Variants in SGSM2 observed in about 807,000 individuals in gnomAD.
SGSM2 encodes RUN and TBC1 domain containing 1.
SGSM2 carries 89 observed loss-of-function variants against 126.6 expected under a neutral mutation model. The ratio of observed to expected loss-of-function variants is 0.70; its 90% CI spans 0.59 to 0.84. The LOEUF (loss-of-function observed/expected upper bound fraction) is 0.84, where lower values mean the gene tolerates loss of function less well. SGSM2 is among the 40% of genes least tolerant of loss of function. The pLI is 0.00. For synonymous variants in SGSM2, 614 were observed against 574.3 expected (o/e 1.07, Z -0.99); for missense variants, 1,404 against 1,416.6 (o/e 0.99, Z 0.14).
chr17:2,360,063 C>T (rs1185931671), intron 2 of SGSM2, among the ~76,000 whole-genome samples: 1 of 152,200 alleles, frequency 6.6e-6, no homozygotes, highest in African/African-American at 2.4e-5. Flanking sequence ...CCCATGTGGG[C>T]CGGGCGCGGT....
In SGSM2 at chr17:2,351,252, C is replaced by CA. The variant is rs547956009; in HGVS notation, c.133+7645dup. 6.2e-3 allele frequency among the ~76,000 whole-genome samples: 836 copies of CA among 135,204 alleles called. 4 individuals carry two copies. Among genetic ancestry groups the CA allele is most frequent in the Middle Eastern group, 0.011 (3 of 270 alleles). 88.7% of individuals were successfully genotyped at this position (135,204 alleles called of 152,430 possible). A position where few individuals can be genotyped will look rare whatever the true frequency, so the allele number is the denominator to read the frequency against. Reference sequence around the variant, plus strand: ...TGGGCAATAGATCGAGACTCAGTCTCAAAAAAAAAAAAAGGAGAGGAGCTA... The same window carrying CA: ...TGGGCAATAGATCGAGACTCAGTCTCAAAAAAAAAAAAAAGGAGAGGAGCTA... On this transcript the variant is annotated intron_variant, in intron 2 of 23. Transcript: ENST00000268989.
chr17:2,365,644 C>T (rs920919231), intron 11 of SGSM2, among the ~76,000 whole-genome samples: 20 of 152,062 alleles, frequency 1.3e-4, no homozygotes, highest in African/African-American at 2.7e-4. Flanking sequence ...GGGTAAAACA[C>T]GTGGAGAAAC....
At chr17:2,371,549 AC>A in intron 13 of SGSM2, 134 bp downstream of exon 13, 2 of 1,086,380 alleles carry the variant, frequency 1.8e-6, no homozygotes, top group Non-Finnish European at 2.6e-6. Flanking sequence ...TTCAAATTTC[AC>A]TTTTGCTACC....
chr17:2,340,138 C>T (rs1350617867), intron 1 of SGSM2, among the ~76,000 whole-genome samples: 10 of 149,518 alleles, frequency 6.7e-5, no homozygotes, highest in East Asian at 2.0e-4. Context: ...TTTTTGGAGA[C>T]GGAGTCTTGC....
At chr17:2,360,593 C>T (rs1033822875) in intron 2 of SGSM2, among the ~76,000 whole-genome samples, 1 of 152,216 alleles carries the variant, frequency 6.6e-6, no homozygotes, top group Non-Finnish European at 1.5e-5. Context: ...TTCACATCCT[C>T]CGTCTCATGT....
chr17:2,376,735 A>G lies in SGSM2; in HGVS notation c.2612A>G (p.Tyr871Cys), dbSNP rs2066179404. ...GTGACTCTCCCCCTGCCTTTCAGCT[A>G]CGTGTGGGAGCACCTGGACGTGGGC... ...LERLRDVMCSYVWEHLDVGYV... is the reference protein window; with the variant it reads ...LERLRDVMCSCVWEHLDVGYV... Residue 871 changes from tyrosine (Y) to cysteine (C), a missense_variant and splice_region_variant, in exon 20 of 24, where the codon TAC becomes TGC. By Grantham distance (194) the Tyr-to-Cys change is radical. Transcript: ENST00000268989. 6.2e-7 allele frequency: 1 copy of G among 1,613,866 alleles called. No individual in the cohort carries two copies. Among genetic ancestry groups the G allele is most frequent in the Admixed American group, 1.7e-5 (1 of 60,004 alleles).
intron 1 of SGSM2, among the ~76,000 whole-genome samples, chr17:2,340,807 A>G (rs1219426545): frequency 7.9e-5 from 12 of 151,850 alleles, no homozygotes; most frequent in South Asian, 4.1e-4. Flanking sequence ...GATGGTCTCG[A>G]TCTCCTGACC....
intron 2 of SGSM2, among the ~76,000 whole-genome samples, chr17:2,349,976 A>T (rs959208939): frequency 6.6e-6 from 1 of 151,974 alleles, no homozygotes; most frequent in South Asian, 2.1e-4. Context: ...TTTAGTAGAC[A>T]TGGGGTTTCA....
At chr17:2,339,532 G>A (rs1186355224) in intron 1 of SGSM2, among the ~76,000 whole-genome samples, 1 of 151,926 alleles carries the variant, frequency 6.6e-6, no homozygotes, top group Admixed American at 6.6e-5. Flanking sequence ...AGACCATCCT[G>A]GCTAACACGG....
chr17:2,369,994 G>A (rs1190496230), intron 12 of SGSM2, among the ~76,000 whole-genome samples: 2 of 152,166 alleles, frequency 1.3e-5, no homozygotes. Context: ...TGGGAAGAGA[G>A]CCCCGGCCAA....
chr17:2,352,274 G>A (rs942367676), intron 2 of SGSM2, among the ~76,000 whole-genome samples: 9 of 152,178 alleles, frequency 5.9e-5, no homozygotes, highest in Non-Finnish European at 1.2e-4. Context: ...CCCCAGGCAG[G>A]CATTGGGCTT....
rs1303445820 is a variant in SGSM2 at position 2,362,159 on chromosome 17, G to A, written c.347G>A (p.Ser116Asn). 1.9e-6 allele frequency: 3 copies of A among 1,613,814 alleles called. No individual in the cohort carries two copies. In the African/African-American group the frequency reaches 4.0e-5, roughly 22 times the overall value. Residue 116 changes from serine to asparagine, a missense_variant, in exon 4 of 24, where the codon AGC becomes AAC. Ser to Asn is a conservative substitution (Grantham distance 46). Transcript: ENST00000268989. This position sits in a 1 kb window ranked among gnomAD's most constrained non-coding sequence, Gnocchi z 4.9. Reference sequence around the variant, plus strand: ...GCCCTGCGGAGACAGGGCTCAGCCAGCGGGAAGGCCCCGGCCCTCAGCCCT... The same window carrying A: ...GCCCTGCGGAGACAGGGCTCAGCCAACGGGAAGGCCCCGGCCCTCAGCCCT... The part of the protein sequence containing the change: ...QEALRRQGSA[S>N]GKAPALSPQA...
chr17:2,377,825 T>C, intron 21 of SGSM2, 32 bp from the exon 22 acceptor site: 1 of 1,445,812 alleles, frequency 6.9e-7, no homozygotes, highest in South Asian at 1.1e-5. Flanking sequence ...GGCTCAGGGC[T>C]CAGCCTCTCT....
intron 1 of SGSM2, 24 bp from the exon 2 acceptor site, chr17:2,343,521 G>A (rs1426354952): frequency 1.9e-6 from 3 of 1,612,590 alleles, no homozygotes; most frequent in Non-Finnish European, 1.7e-6. Flanking sequence ...AATAAAAGCA[G>A]TGATGCTGTC....
intron 12 of SGSM2, among the ~76,000 whole-genome samples, chr17:2,370,022 G>A (rs1243299359): frequency 6.6e-6 from 1 of 152,152 alleles, no homozygotes; most frequent in Admixed American, 6.5e-5. Flanking sequence ...CAACCGCTGA[G>A]GGAACCGGAA....
intron 22 of SGSM2, among the ~76,000 whole-genome samples, 159 bp downstream of exon 22, chr17:2,378,112 T>G (rs1442401158): frequency 6.6e-6 from 1 of 152,168 alleles, no homozygotes; most frequent in Non-Finnish European, 1.5e-5. Flanking sequence ...ACTCATGAAC[T>G]GTGGCTGCCT....
At chr17:2,350,078 C>T (rs529063357) in intron 2 of SGSM2, among the ~76,000 whole-genome samples, 3 of 151,970 alleles carry the variant, frequency 2.0e-5, no homozygotes, top group East Asian at 2.0e-4. Context: ...TAAGCCACCA[C>T]GCCTGGCCTA....
intron 2 of SGSM2, among the ~76,000 whole-genome samples, chr17:2,345,737 CGGA>C (rs1309333051): frequency 7.9e-5 from 12 of 152,022 alleles, no homozygotes; most frequent in Non-Finnish European, 1.8e-4. Context: ...GGTACAGTCA[CGGA>C]GAACAGGAGC....
At chr17:2,338,476 C>T (rs2064189218) in intron 1 of SGSM2, among the ~76,000 whole-genome samples, 1 of 152,076 alleles carries the variant, frequency 6.6e-6, no homozygotes, top group African/African-American at 2.4e-5. Flanking sequence ...GACTCACTCC[C>T]ATATGAGAGC....
Sources: allele counts gnomAD v4.1 joint callset (sites outside exome capture counted in the v4.1 genomes callset), GRCh38; gene constraint gnomAD v4.1.1; non-coding constraint Gnocchi (gnomAD v3.1); transcripts MANE v1.5; gene names NCBI Gene and HGNC (gene_info 2026-07-23, HGNC 2026-07-21).